MSI2: variants seen among roughly 807,000 people sequenced by gnomAD.
MSI2 encodes the protein RNA-binding protein Musashi homolog 2.
In MSI2, 17 loss-of-function variants were observed where a neutral mutation model predicts 45.6. The observed-to-expected ratio is 0.37, with a 90% CI of 0.26 to 0.56. The LOEUF (loss-of-function observed/expected upper bound fraction) is 0.56, where lower values mean the gene tolerates loss of function less well. Ranked by LOEUF, MSI2 falls within the 20% of genes least tolerant of loss-of-function variation. The pLI is 0.77. For synonymous variants in MSI2, 156 were observed against 158.2 expected (o/e 0.99, Z 0.11); for missense variants, 293 against 444.2 (o/e 0.66, Z 3.06).
At chr17:57,532,810 A>G (rs1336903161) in intron 7 of MSI2, among the ~76,000 whole-genome samples, 1 of 152,186 alleles carries the variant, frequency 6.6e-6, no homozygotes, top group Non-Finnish European at 1.5e-5. Flanking sequence ...AGAGGCCCAG[A>G]CCATCGACCC....
intron 6 of MSI2, among the ~76,000 whole-genome samples, chr17:57,442,650 G>A (rs950072216): frequency 2.0e-5 from 3 of 152,156 alleles, no homozygotes; most frequent in African/African-American, 2.4e-5. Flanking sequence ...CCCAAGATGA[G>A]ACTGGATGAA....
intron 7 of MSI2, among the ~76,000 whole-genome samples, chr17:57,582,595 A>G (rs888122271): frequency 5.3e-5 from 8 of 152,188 alleles, no homozygotes; most frequent in African/African-American, 1.9e-4. Flanking sequence ...TACACCTCAC[A>G]AGATAAACAG....
In MSI2 at chr17:57,646,872, A is replaced by C. The variant is rs558470599; in HGVS notation, c.728-5227A>C. Among the ~76,000 whole-genome samples, 10 of 152,146 alleles carry C rather than the reference A, an allele frequency of 6.6e-5. No homozygotes were observed. The East Asian group carries it at 1.9e-3, about 29-fold the overall frequency. ...GTTCCCAAACAGAGGAGCATAACAC[A>C]TTCCTAGTACCTAAGTTCCAGGTGG... On this transcript the variant is annotated intron_variant, in intron 10 of 13. Coordinates refer to ENST00000284073, the MANE Select transcript of MSI2 (RefSeq NM_138962.4).
intron 5 of MSI2, among the ~76,000 whole-genome samples, chr17:57,395,342 C>G (rs1326331604): frequency 6.6e-6 from 1 of 152,210 alleles, no homozygotes; most frequent in African/African-American, 2.4e-5. Context: ...AACCCAGTCT[C>G]TTTTCCACAT....
intron 9 of MSI2, among the ~76,000 whole-genome samples, chr17:57,618,959 C>T (rs1259450754): frequency 6.6e-6 from 1 of 152,228 alleles, no homozygotes. Context: ...AAAGGCCCTA[C>T]AGCATAAAAT....
chr17:57,282,901 G>A (rs1335755119), intron 5 of MSI2, among the ~76,000 whole-genome samples: 4 of 136,862 alleles, frequency 2.9e-5, no homozygotes, highest in Non-Finnish European at 6.1e-5. Context: ...TGAATGGCCA[G>A]CTTACGACTT....
chr17:57,458,274 G>A (rs1217630810), intron 6 of MSI2, among the ~76,000 whole-genome samples: 1 of 151,892 alleles, frequency 6.6e-6, no homozygotes, highest in Non-Finnish European at 1.5e-5. Context: ...CTAATTTTTT[G>A]TATTTTTAGT....
At chr17:57,692,740 T>G in the MSI2 span, among the ~76,000 whole-genome samples, 2 of 128,534 alleles carry the variant, frequency 1.6e-5, no homozygotes, top group Non-Finnish European at 1.7e-5. Context: ...GTTTTGTTTC[T>G]TTTCAGTACT....
chr17:57,310,239 G>A (rs895149157), intron 5 of MSI2, among the ~76,000 whole-genome samples: 15 of 152,196 alleles, frequency 9.9e-5, no homozygotes, highest in Non-Finnish European at 1.5e-5. Flanking sequence ...CACATTGCCT[G>A]TCTTCCTAAA....
At chr17:57,508,671 C>T (rs1481662470) in intron 6 of MSI2, among the ~76,000 whole-genome samples, 2 of 152,284 alleles carry the variant, frequency 1.3e-5, no homozygotes, top group South Asian at 2.1e-4. Flanking sequence ...CAGATGCCAT[C>T]AGATGTGTGG....
intron 5 of MSI2, among the ~76,000 whole-genome samples, chr17:57,337,857 GTATT>G (rs563761215): frequency 7.9e-5 from 12 of 152,206 alleles, no homozygotes; most frequent in Non-Finnish European, 1.5e-4. Context: ...GTGTGCATAC[GTATT>G]TAAAAACAGA....
At chr17:57,477,145 G>GGTGTGTGTGTGTGTGTGT (rs59127306) in intron 6 of MSI2, among the ~76,000 whole-genome samples, 16 of 118,724 alleles carry the variant, frequency 1.3e-4, no homozygotes, top group South Asian at 3.3e-4. Flanking sequence ...CATAAGGCCT[G>GGTGTGTGTGTGTGTGTGT]GTGTGTGTGT....
rs1911005279 is a variant in MSI2, at chr17:57,296,886, G to GT, written c.312+34700dup. Among the ~76,000 whole-genome samples the GT allele has an allele frequency of 2.6e-5, 4 of 151,946 alleles. No individual in the cohort carries two copies. In the South Asian group the frequency reaches 8.3e-4, roughly 32 times the overall value. On this transcript the variant is annotated intron_variant, in intron 5 of 13. Transcript: ENST00000284073. ...TATTTTGAAATATTAAGGCTTTTTT[G>GT]TTTTTTGAGATGGAGTCTCACTCTG...
the MSI2 span, among the ~76,000 whole-genome samples, chr17:57,698,084 A>G: frequency 1.5e-4 from 23 of 152,036 alleles, no homozygotes; most frequent in African/African-American, 5.3e-4. Flanking sequence ...CCCTCTCAGC[A>G]GGATTCTGCC....
chr17:57,663,400 C>G (rs1363780817), intron 11 of MSI2, among the ~76,000 whole-genome samples: 8 of 152,204 alleles, frequency 5.3e-5, no homozygotes, highest in African/African-American at 1.4e-4. Flanking sequence ...CATTTGATGC[C>G]TGCGTGCCTG....
chr17:57,618,062 C>A (rs1907896427), intron 9 of MSI2: 1 of 134,212 alleles, frequency 7.5e-6, no homozygotes, highest in South Asian at 2.8e-4. Context: ...CAGAGTGAGA[C>A]TCTGTCTCAA....
intron 5 of MSI2, among the ~76,000 whole-genome samples, chr17:57,316,858 G>T: frequency 6.6e-6 from 1 of 151,996 alleles, no homozygotes; most frequent in African/African-American, 2.4e-5. Flanking sequence ...AGAAATTACA[G>T]ACTCTGTTGG....
chr17:57,425,156 G>A (rs2084468255), intron 6 of MSI2, among the ~76,000 whole-genome samples: 1 of 152,162 alleles, frequency 6.6e-6, no homozygotes, highest in Non-Finnish European at 1.5e-5. Context: ...GGAGGGCCAG[G>A]GTTGTAGGTG....
intron 6 of MSI2, among the ~76,000 whole-genome samples, chr17:57,499,377 A>AAG (rs2086050536): frequency 6.7e-6 from 1 of 150,302 alleles, no homozygotes; most frequent in Non-Finnish European, 1.5e-5. Context: ...TTCTGTCTTA[A>AAG]AAAAAAAAAA....
Sources: allele counts gnomAD v4.1 joint callset (sites outside exome capture counted in the v4.1 genomes callset), GRCh38; gene constraint gnomAD v4.1.1; transcripts MANE v1.5; gene names NCBI Gene and HGNC (gene_info 2026-07-23, HGNC 2026-07-21).